The following NPAS3 variants were observed in gnomAD, a reference collection of about 807,000 sequenced individuals.
NPAS3 encodes neuronal PAS domain protein 3.
NPAS3 carries 14 observed loss-of-function variants against 73.1 expected under a neutral mutation model. The ratio of observed to expected loss-of-function variants is 0.19; its 90% CI spans 0.13 to 0.30. The LOEUF is 0.30. Ranked by LOEUF, NPAS3 falls within the 10% of genes least tolerant of loss-of-function variation. The pLI is 1.00. For synonymous variants in NPAS3, 620 were observed against 541.5 expected (o/e 1.14, Z -2.01); for missense variants, 1,096 against 1,250.0 (o/e 0.88, Z 1.86).
chr14:33,554,237 C>T (rs1177375539), intron 4 of NPAS3, among the ~76,000 whole-genome samples: 1 of 152,204 alleles, frequency 6.6e-6, no homozygotes, highest in East Asian at 1.9e-4. Context: ...TAAATGCTCA[C>T]TTCTAATGTC....
chr14:33,727,180 T>G (rs1277833635), intron 6 of NPAS3, among the ~76,000 whole-genome samples: 1 of 142,878 alleles, frequency 7.0e-6, no homozygotes, highest in African/African-American at 2.6e-5. Context: ...GCGGTTCAGC[T>G]GGATACTGGC....
chr14:33,258,723 A>G (rs2048864216), intron 3 of NPAS3, among the ~76,000 whole-genome samples: 1 of 152,130 alleles, frequency 6.6e-6, no homozygotes, highest in Non-Finnish European at 1.5e-5. Flanking sequence ...TCATCCTCGT[A>G]TTTCCTCTTT....
chr14:33,627,724 G>A (rs1290877353), intron 5 of NPAS3, among the ~76,000 whole-genome samples: 1 of 152,200 alleles, frequency 6.6e-6, no homozygotes, highest in East Asian at 1.9e-4. Context: ...ATTTATATAA[G>A]TTAGTGTTGA....
chr14:33,547,611 C>A (rs546915257), intron 4 of NPAS3, among the ~76,000 whole-genome samples: 64 of 151,928 alleles, frequency 4.2e-4, no homozygotes, highest in African/African-American at 1.5e-3. Flanking sequence ...TGGATGAATG[C>A]AAAATGCAAA....
intron 1 of NPAS3, among the ~76,000 whole-genome samples, chr14:33,033,754 G>A (rs2138363177): frequency 6.6e-6 from 1 of 152,024 alleles, no homozygotes; most frequent in South Asian, 2.1e-4. Flanking sequence ...TCTAACATTG[G>A]CCAAGTGTCA....
At position 33,432,910 on chromosome 14, in the gene NPAS3, A is replaced by T. The variant is rs117663789; in HGVS notation, c.468+65642A>T. Among the ~76,000 whole-genome samples, 465 of 152,360 alleles carry T rather than the reference A, an allele frequency of 3.1e-3. 11 individuals are homozygous for T. The East Asian group carries it at 0.079, about 26-fold the overall frequency. On this transcript the variant is annotated intron_variant, in intron 4 of 11. Transcript: ENST00000356141. The stretch of plus-strand genomic sequence containing the variant: ...TTTAGTAATGAATTATTCAGCTGAT[A>T]TGCAATTATCACACACATTTCTAAA...
chr14:33,244,343 T>C (rs1278512230), intron 3 of NPAS3, among the ~76,000 whole-genome samples: 1 of 152,186 alleles, frequency 6.6e-6, no homozygotes, highest in Non-Finnish European at 1.5e-5. Flanking sequence ...CTTAATTGAA[T>C]TGCATTTATT....
At chr14:33,737,780 A>G (rs1007225155) in intron 7 of NPAS3, among the ~76,000 whole-genome samples, 4 of 152,188 alleles carry the variant, frequency 2.6e-5, no homozygotes, top group African/African-American at 9.7e-5. Flanking sequence ...AGCAGCTTAT[A>G]AAACATTCCA....
chr14:33,042,881 G>A (rs2040389746), intron 1 of NPAS3, among the ~76,000 whole-genome samples: 1 of 152,080 alleles, frequency 6.6e-6, no homozygotes, highest in Non-Finnish European at 1.5e-5. Context: ...CTTTTATAGA[G>A]AGCCATTTTT....
At chr14:33,298,361 T>G (rs887926470) in intron 3 of NPAS3, among the ~76,000 whole-genome samples, 1 of 152,146 alleles carries the variant, frequency 6.6e-6, no homozygotes, top group Non-Finnish European at 1.5e-5. Context: ...CCAAATGTGT[T>G]TTTTTGTTTT....
At chr14:33,053,895 T>G (rs138758047) in intron 1 of NPAS3, among the ~76,000 whole-genome samples, 90 of 152,310 alleles carry the variant, frequency 5.9e-4, no homozygotes, top group African/African-American at 2.1e-3. Flanking sequence ...CTTCAAATTG[T>G]TCATAGTCAA....
chr14:33,580,902 C>A (rs542479301), intron 5 of NPAS3, among the ~76,000 whole-genome samples: 1 of 152,242 alleles, frequency 6.6e-6, no homozygotes, highest in East Asian at 1.9e-4. Context: ...CCCCCACCAG[C>A]CCCGCCAAAC....
intron 3 of NPAS3, among the ~76,000 whole-genome samples, chr14:33,299,361 A>C (rs1357930365): frequency 6.6e-6 from 1 of 152,146 alleles, no homozygotes; most frequent in African/African-American, 2.4e-5. Context: ...TTAGCAATGG[A>C]CATCTGAGTC....
At chr14:33,315,076 C>T (rs1421023917) in intron 3 of NPAS3, among the ~76,000 whole-genome samples, 1 of 151,888 alleles carries the variant, frequency 6.6e-6, no homozygotes, top group Non-Finnish European at 1.5e-5. Flanking sequence ...TAGAGAAAAA[C>T]AGAGATGAGA....
At chr14:33,553,688 A>G (rs944277538) in intron 4 of NPAS3, among the ~76,000 whole-genome samples, 15 of 152,330 alleles carry the variant, frequency 9.8e-5, no homozygotes, top group African/African-American at 3.4e-4. Flanking sequence ...ATAAAGCCTA[A>G]ACCTTTGATG....
chr14:33,318,717 G>A (rs1339634344), intron 3 of NPAS3, among the ~76,000 whole-genome samples: 2 of 152,036 alleles, frequency 1.3e-5, no homozygotes, highest in Non-Finnish European at 1.5e-5. Flanking sequence ...TTGGGGAAAT[G>A]TATAGTCATA....
chr14:33,584,919 C>T (rs1264352134), intron 5 of NPAS3, among the ~76,000 whole-genome samples: 1 of 152,066 alleles, frequency 6.6e-6, no homozygotes, highest in African/African-American at 2.4e-5. Context: ...ACTTGGTTAC[C>T]TTGGGTTGAT....
chr14:33,493,061 T>G (rs368043290), intron 4 of NPAS3, among the ~76,000 whole-genome samples: 2 of 152,184 alleles, frequency 1.3e-5, no homozygotes, highest in East Asian at 1.9e-4. Flanking sequence ...CAATTAAAGT[T>G]ACATTCTCAC....
chr14:33,571,281 G>A (rs2056200495), intron 5 of NPAS3, among the ~76,000 whole-genome samples: 1 of 152,168 alleles, frequency 6.6e-6, no homozygotes, highest in South Asian at 2.1e-4. Flanking sequence ...TGAAACGAAA[G>A]GGCAATTTCT....
Sources: allele counts gnomAD v4.1 joint callset (sites outside exome capture counted in the v4.1 genomes callset), GRCh38; gene constraint gnomAD v4.1.1; transcripts MANE v1.5; gene names NCBI Gene and HGNC (gene_info 2026-07-23, HGNC 2026-07-21).